Variants in IQSEC3 observed in about 807,000 individuals in gnomAD.
The protein encoded by IQSEC3 is IQ motif and Sec7 domain ArfGEF 3.
A neutral mutation model predicts 105.4 loss-of-function variants in IQSEC3; 50 were observed. That is an observed-to-expected ratio of 0.47 (90% confidence interval 0.38 to 0.60). The LOEUF is 0.60. Among genes scored for constraint, IQSEC3 ranks in the 20% least tolerant of loss-of-function variants. The pLI is 0.00. For missense variants in IQSEC3, 1,415 were observed against 1,630.0 expected (o/e 0.87, Z 2.27); for synonymous variants, 708 against 746.0 (o/e 0.95, Z 0.83).
chr12:139,022 A>C lies in IQSEC3; in HGVS notation c.1659A>C (p.Ser553=), dbSNP rs782600470. 2.3e-5 allele frequency: 34 copies of C among 1,508,732 alleles called. 1 individual carries two copies. In the South Asian group the frequency reaches 3.9e-4, roughly 18 times the overall value. The allele number at this position is 1,508,732 out of a possible 1,614,324, so 93.5% of individuals were successfully genotyped here. ...VGREDASAED[S]CAEAAASGAA... Reference sequence around the variant, plus strand: ...GGGAGGACGCGTCAGCCGAGGACTCATGCGCAGAGGCTGCGGCTAGTGGGG... The same window carrying C: ...GGGAGGACGCGTCAGCCGAGGACTCCTGCGCAGAGGCTGCGGCTAGTGGGG... The change falls in exon 4 of 14, where the codon TCA becomes TCC. Residue 553 remains serine (S), a synonymous_variant. Coordinates refer to ENST00000538872, the MANE Select transcript of IQSEC3 (RefSeq NM_001170738.2).
At chr12:99,062 T>G in intron 1 of IQSEC3, 84 bp from the exon 2 acceptor site, 8 of 1,292,270 alleles carry the variant, frequency 6.2e-6, no homozygotes, top group Non-Finnish European at 8.5e-6. Context: ...CAGCAAGATT[T>G]CAGGGCAGAA....
chr12:169,276 G>A (rs79990281), intron 12 of IQSEC3, among the ~76,000 whole-genome samples, 171 bp downstream of exon 12: 4,736 of 152,322 alleles, frequency 0.031, 77 homozygotes, highest in African/African-American at 0.034. Flanking sequence ...AGTGGTGGGA[G>A]TGAGGAGGAA....
At chr12:126,139 G>A (rs1865397747) in intron 3 of IQSEC3, among the ~76,000 whole-genome samples, 1 of 152,208 alleles carries the variant, frequency 6.6e-6, no homozygotes, top group African/African-American at 2.4e-5. Context: ...CAGGCCCTTG[G>A]GCAGCACGTC....
rs12308655 is a variant in IQSEC3, at chr12:159,328, T to C, written c.2443+1634T>C. ...GTCCTGCTCCAGTCTGGACAGTGGC[T>C]GGGCCAGGGCACAGCCTGCATCCTG... On this transcript the variant is annotated intron_variant, in intron 7 of 13. Coordinates refer to ENST00000538872, the MANE Select transcript of IQSEC3 (RefSeq NM_001170738.2). Among the ~76,000 whole-genome samples, 1,047 of 152,386 alleles carry C rather than the reference T, an allele frequency of 6.9e-3. 12 individuals carry two copies. Among genetic ancestry groups the C allele is most frequent in the African/African-American group, 0.023 (971 of 41,592 alleles).
intron 2 of IQSEC3, among the ~76,000 whole-genome samples, chr12:116,161 ACCT>A (rs1225210835): frequency 6.6e-6 from 1 of 152,158 alleles, no homozygotes; most frequent in East Asian, 1.9e-4. Flanking sequence ...TTCTTGGGAC[ACCT>A]CCTTTCACAG....
chr12:171,863 C>A (rs1939015180), intron 13 of IQSEC3, among the ~76,000 whole-genome samples: 3 of 152,230 alleles, frequency 2.0e-5, no homozygotes, highest in African/African-American at 7.2e-5. Flanking sequence ...GGAGGCTGCC[C>A]ATTTGGCTCC....
chr12:149,380 G>T (rs868922337), intron 5 of IQSEC3, among the ~76,000 whole-genome samples: 2 of 152,108 alleles, frequency 1.3e-5, no homozygotes, highest in South Asian at 4.2e-4. Context: ...AAGCCTCGGG[G>T]CCATTTGCAA....
At chr12:166,104 C>T (rs2291921) in intron 11 of IQSEC3, 18 of 579,628 alleles carry the variant, frequency 3.1e-5, no homozygotes, top group African/African-American at 5.6e-5. Flanking sequence ...AGAGTGCACA[C>T]ACGTGTGTAC....
At chr12:143,105 G>C (rs1051763533) in intron 5 of IQSEC3, 1 of 152,538 alleles carries the variant, frequency 6.6e-6, no homozygotes, top group East Asian at 1.9e-4. Context: ...GTGGTGCTGA[G>C]TCGCACAATG....
intron 3 of IQSEC3, among the ~76,000 whole-genome samples, chr12:131,852 T>C (rs781889765): frequency 5.9e-5 from 9 of 152,136 alleles, no homozygotes; most frequent in African/African-American, 9.7e-5. Flanking sequence ...GGTTGATAAA[T>C]GGGTTAGGAC....
chr12:178,265 A>G lies in IQSEC3; in HGVS notation c.*3232A>G, dbSNP rs1194302890. The stretch of plus-strand genomic sequence containing the variant: ...CTGTCCGTCCCTGTTTTTGCTGTAC[A>G]TAACTCCTGCTGCACCCTCTCCCCG... On this transcript the variant is annotated 3_prime_UTR_variant, in exon 14 of 14. Coordinates refer to ENST00000538872, the MANE Select transcript of IQSEC3 (RefSeq NM_001170738.2). 6.6e-6 allele frequency: 1 copy of G among 151,950 alleles called. No individual in the cohort carries two copies. The highest frequency in any genetic ancestry group is 1.5e-5 in the Non-Finnish European group (1 of 68,024). The allele number at this position is 151,950 out of a possible 1,614,324, so 9.4% of individuals were successfully genotyped here.
At position 152,103 on chromosome 12, in the gene IQSEC3, C is replaced by T. The variant is rs1351066785; in HGVS notation, c.2154-4922C>T. 6.6e-6 allele frequency among the ~76,000 whole-genome samples: 1 copy of T among 152,004 alleles called. No individual in the cohort carries two copies. The highest frequency in any genetic ancestry group is 1.5e-5 in the Non-Finnish European group (1 of 68,004). ...CACTTACACCAGGTCCCGAGCACAG[C>T]CTTGCACACGGGGCCACTCAGTGCT... On this transcript the variant is annotated intron_variant, in intron 5 of 13. Coordinates refer to ENST00000538872, the MANE Select transcript of IQSEC3 (RefSeq NM_001170738.2). The surrounding 1 kb of genome is among the most constrained non-coding windows in gnomAD (Gnocchi z 4.8).
chr12:80,384 A>G (rs1863704383), intron 1 of IQSEC3, among the ~76,000 whole-genome samples: 1 of 152,190 alleles, frequency 6.6e-6, no homozygotes, highest in African/African-American at 2.4e-5. Flanking sequence ...CTACAACCCC[A>G]GCAGTTTCAG....
At position 176,021 on chromosome 12, in the gene IQSEC3, ATGAG is replaced by A. The variant is rs1403169863; in HGVS notation, c.*990_*993del. Reference sequence around the variant, plus strand: ...GGCCCGAGGCAGGGCTCCCTCCTGCATGAGTCTGTGGCCTCCAGGAGGGACTTGG... The same window carrying A: ...GGCCCGAGGCAGGGCTCCCTCCTGCATCTGTGGCCTCCAGGAGGGACTTGG... On this transcript the variant is annotated 3_prime_UTR_variant, in exon 14 of 14. Transcript: ENST00000538872. This position sits in a 1 kb window ranked among gnomAD's most constrained non-coding sequence, Gnocchi z 4.0. 5 of 152,218 alleles carry A rather than the reference ATGAG, an allele frequency of 3.3e-5. No homozygotes were observed. The highest frequency in any genetic ancestry group is 1.2e-4 in the African/African-American group (5 of 41,420). The allele number at this position is 152,218 out of a possible 1,614,324, so 9.4% of individuals were successfully genotyped here. A position where few individuals can be genotyped will look rare whatever the true frequency, so the allele number is the denominator to read the frequency against.
intron 7 of IQSEC3, among the ~76,000 whole-genome samples, chr12:160,308 G>A (rs1375057507): frequency 1.3e-5 from 2 of 152,130 alleles, no homozygotes; most frequent in African/African-American, 2.4e-5. Context: ...GTGAACACAG[G>A]TGGAGGCTGC....
intron 3 of IQSEC3, among the ~76,000 whole-genome samples, chr12:135,582 A>G (rs1484784923): frequency 1.3e-5 from 2 of 152,212 alleles, no homozygotes; most frequent in African/African-American, 4.8e-5. Context: ...CATCACTCCA[A>G]TGATTAGGTT....
chr12:119,176 T>C (rs1555081299), intron 2 of IQSEC3, among the ~76,000 whole-genome samples: 1 of 152,080 alleles, frequency 6.6e-6, no homozygotes, highest in African/African-American at 2.4e-5. Flanking sequence ...ACTCAGGCTC[T>C]CTTCCGTTTG....
At position 169,004 on chromosome 12, in the gene IQSEC3, A is replaced by G. The variant is rs782481501; in HGVS notation, c.2972-9A>G. ...GTTTCTCTTGCTCACGGGCCTCTGC[A>G]TTCCTTAGGGGAGCTGGAGAAGCAG... On this transcript the variant is annotated splice_polypyrimidine_tract_variant and intron_variant, in intron 11 of 13. Coordinates refer to ENST00000538872, the MANE Select transcript of IQSEC3 (RefSeq NM_001170738.2). The G allele has an allele frequency of 7.4e-6, 12 of 1,613,568 alleles. No individual in the cohort carries two copies. Among genetic ancestry groups the G allele is most frequent in the Non-Finnish European group, 1.0e-5 (12 of 1,179,622 alleles).
chr12:112,907 C>G (rs1471621499), intron 2 of IQSEC3, among the ~76,000 whole-genome samples: 1 of 151,756 alleles, frequency 6.6e-6, no homozygotes, highest in African/African-American at 2.4e-5. Context: ...AAAATATTAT[C>G]ATAATATTTT....
Sources: allele counts gnomAD v4.1 joint callset (sites outside exome capture counted in the v4.1 genomes callset), GRCh38; gene constraint gnomAD v4.1.1; non-coding constraint Gnocchi (gnomAD v3.1); transcripts MANE v1.5; gene names NCBI Gene and HGNC (gene_info 2026-07-23, HGNC 2026-07-21).